The following KALRN variants were observed in gnomAD, a reference collection of about 807,000 sequenced individuals.
KALRN encodes the protein kalirin RhoGEF kinase.
In KALRN, 70 loss-of-function variants were observed where a neutral mutation model predicts 353.7. That is an observed-to-expected ratio of 0.20 (90% CI 0.16 to 0.24). KALRN has a LOEUF of 0.24. Among genes scored for constraint, KALRN ranks in the 10% least tolerant of loss-of-function variants. The pLI is 1.00. For missense variants in KALRN, 2,791 were observed against 3,756.7 expected (o/e 0.74, Z 6.72); for synonymous variants, 1,391 against 1,434.8 (o/e 0.97, Z 0.69).
intron 45 of KALRN, 51 bp downstream of exon 45, chr3:124,661,979 T>G (rs2084931252): frequency 6.9e-7 from 1 of 1,455,242 alleles, no homozygotes; most frequent in Non-Finnish European, 9.6e-7. Flanking sequence ...ACAATAGGAG[T>G]CCAGACTGTT....
chr3:124,643,874 C>T (rs2082388213), intron 37 of KALRN, among the ~76,000 whole-genome samples: 1 of 152,174 alleles, frequency 6.6e-6, no homozygotes. Context: ...AGCAAATTAA[C>T]ATATCTATCA....
chr3:124,372,749 G>T lies in KALRN; in HGVS notation c.1771-12096G>T, dbSNP rs1032204048. ...TTGTTGAGCATTTTGGTCATTTCTG[G>T]TTTTCATTTCTATAACCCACAGTTA... is the stretch of plus-strand genomic sequence containing the variant. On this transcript the variant is annotated intron_variant, in intron 10 of 59. Coordinates refer to ENST00000682506, the MANE Select transcript of KALRN (RefSeq NM_001388419.1). Among the ~76,000 whole-genome samples, 3 of 151,978 alleles carry T rather than the reference G, an allele frequency of 2.0e-5. No individual in the cohort carries two copies. The East Asian group carries it at 5.8e-4, about 29-fold the overall frequency.
chr3:124,472,990 A>G (rs1577222465), intron 25 of KALRN, among the ~76,000 whole-genome samples: 1 of 152,196 alleles, frequency 6.6e-6, no homozygotes, highest in African/African-American at 2.4e-5. Flanking sequence ...CGCTAAAGCA[A>G]TGCTCATTTG....
chr3:124,268,601 TC>T (rs1436500794), intron 4 of KALRN, 141 bp from the exon 5 acceptor site: 6 of 791,264 alleles, frequency 7.6e-6, no homozygotes, highest in Non-Finnish European at 1.0e-5. Context: ...GACCAGTGAG[TC>T]CCATGGCCTC....
chr3:124,100,055 T>A (rs1195217469), intron 1 of KALRN, among the ~76,000 whole-genome samples: 1 of 152,086 alleles, frequency 6.6e-6, no homozygotes, highest in Non-Finnish European at 1.5e-5. Context: ...TCCCAGCTAC[T>A]CAGGAGGCTG....
Position 124,625,998 on chromosome 3 carries a change from T to A in KALRN, c.5183-6422T>A, listed in dbSNP as rs1185893446. 2.0e-5 allele frequency among the ~76,000 whole-genome samples: 3 copies of A among 152,062 alleles called. No individual in the cohort carries two copies. The East Asian group carries it at 5.8e-4, about 29-fold the overall frequency. The stretch of plus-strand genomic sequence containing the variant: ...CCAGAGGTTGAGGCAGGAGAATCAT[T>A]TGAACTTGGGAGGCAGAGGTTGCAG... On this transcript the variant is annotated intron_variant, in intron 34 of 59. Coordinates refer to ENST00000682506, the MANE Select transcript of KALRN (RefSeq NM_001388419.1).
intron 34 of KALRN, among the ~76,000 whole-genome samples, chr3:124,627,622 G>T (rs1196995439): frequency 6.6e-6 from 1 of 152,180 alleles, no homozygotes; most frequent in Non-Finnish European, 1.5e-5. Context: ...GGATTCAGTA[G>T]AGCCACATGG....
chr3:124,096,944 CAT>C (rs2061489766), intron 1 of KALRN, among the ~76,000 whole-genome samples: 1 of 152,222 alleles, frequency 6.6e-6, no homozygotes, highest in African/African-American at 2.4e-5. Context: ...TTGATCACCA[CAT>C]ATGGCTGTAA....
chr3:124,533,519 C>G (rs900698291), intron 33 of KALRN, among the ~76,000 whole-genome samples: 4 of 152,036 alleles, frequency 2.6e-5, no homozygotes, highest in Non-Finnish European at 5.9e-5. Flanking sequence ...GTGGAGCACA[C>G]CTGTGGTTCA....
chr3:124,408,837 G>A (rs2091873154), intron 13 of KALRN, among the ~76,000 whole-genome samples: 1 of 152,170 alleles, frequency 6.6e-6, no homozygotes, highest in Admixed American at 6.5e-5. Flanking sequence ...GAAAACAGGA[G>A]GAACCAATGG....
chr3:124,313,697 C>T (rs1263040444), intron 6 of KALRN, among the ~76,000 whole-genome samples: 2 of 152,170 alleles, frequency 1.3e-5, no homozygotes, highest in Admixed American at 1.3e-4. Flanking sequence ...GCCCAAAATA[C>T]CACATATGGG....
chr3:124,306,222 A>G (rs1192241272), intron 6 of KALRN, among the ~76,000 whole-genome samples: 1 of 152,138 alleles, frequency 6.6e-6, no homozygotes, highest in East Asian at 1.9e-4. Flanking sequence ...CTACAGGTGC[A>G]TGCCACCATG....
At chr3:124,627,803 A>T (rs2080134348) in intron 34 of KALRN, among the ~76,000 whole-genome samples, 1 of 152,172 alleles carries the variant, frequency 6.6e-6, no homozygotes, top group Admixed American at 6.5e-5. Flanking sequence ...CACACCCAAG[A>T]CCACAGCCAG....
At chr3:124,446,089 C>A in intron 19 of KALRN, 72 bp from the exon 20 acceptor site, 1 of 904,050 alleles carries the variant, frequency 1.1e-6, no homozygotes, top group South Asian at 1.5e-5. Flanking sequence ...GCACCTGGGC[C>A]GTGGGGCTGA....
chr3:124,098,206 A>G (rs2061587160), intron 1 of KALRN, among the ~76,000 whole-genome samples: 1 of 152,178 alleles, frequency 6.6e-6, no homozygotes. Flanking sequence ...CTGGTAGTAC[A>G]TGAGATGATT....
At chr3:124,226,173 A>G (rs763357885) in intron 1 of KALRN, among the ~76,000 whole-genome samples, 43 of 152,250 alleles carry the variant, frequency 2.8e-4, no homozygotes, top group Admixed American at 1.2e-3. Flanking sequence ...TAGATTGCCA[A>G]GGAAGCTGAA....
intron 8 of KALRN, 76 bp downstream of exon 8, chr3:124,330,068 C>A: frequency 6.7e-7 from 1 of 1,489,324 alleles, no homozygotes; most frequent in Non-Finnish European, 9.1e-7. Context: ...CTGGCCTGTG[C>A]CCTGTGAAAT....
intron 34 of KALRN, among the ~76,000 whole-genome samples, chr3:124,614,152 T>C (rs1184090080): frequency 6.6e-6 from 1 of 152,242 alleles, no homozygotes; most frequent in East Asian, 1.9e-4. Flanking sequence ...AAATGAACTT[T>C]AAATAGAATG....
chr3:124,075,376 A>G (rs971864477), intron 1 of KALRN, among the ~76,000 whole-genome samples: 1 of 152,180 alleles, frequency 6.6e-6, no homozygotes, highest in African/African-American at 2.4e-5. Context: ...CTGTCCATCA[A>G]GGAGGGCAAG....
Sources: gnomAD v4.1 joint callset for allele counts (sites outside exome capture counted in the v4.1 genomes callset) on GRCh38, gnomAD v4.1.1 for gene constraint, MANE v1.5 for transcripts, NCBI Gene and HGNC (gene_info 2026-07-23, HGNC 2026-07-21) for gene names.